Variants in LARGE1 observed in about 807,000 individuals in gnomAD.
LARGE1 encodes the protein LARGE xylosyl- and glucuronyltransferase 1, also known as xylosyl- and glucuronyltransferase LARGE1.
LARGE1 carries 43 observed loss-of-function variants against 87.6 expected under a neutral mutation model. That is an observed-to-expected ratio of 0.49 (90% CI 0.38 to 0.63). The LOEUF is 0.63. Ranked by LOEUF, LARGE1 falls within the 30% of genes least tolerant of loss-of-function variation. The pLI, the probability that LARGE1 is intolerant of heterozygous loss-of-function variation, is 0.00. For synonymous variants in LARGE1, 434 were observed against 394.6 expected, an observed-to-expected ratio of 1.10 and a Z score of -1.18; for missense variants, 802 against 1,000.2, an observed-to-expected ratio of 0.80 and a Z score of 2.67.
intron 1 of LARGE1, among the ~76,000 whole-genome samples, chr22:33,801,527 T>C (rs746635909): frequency 9.9e-5 from 15 of 152,230 alleles, no homozygotes; most frequent in Non-Finnish European, 5.9e-5. Flanking sequence ...CTAAGTCTTT[T>C]GCCCATTTTC....
At chr22:33,068,514 G>A in the LARGE1 span, among the ~76,000 whole-genome samples, 4 of 152,052 alleles carry the variant, frequency 2.6e-5, no homozygotes, top group Admixed American at 6.5e-5. Flanking sequence ...GTGTGGTGGC[G>A]GGCACCTGTA....
intron 2 of LARGE1, among the ~76,000 whole-genome samples, chr22:33,728,326 G>A (rs1056576889): frequency 2.4e-4 from 37 of 152,116 alleles, no homozygotes; most frequent in Non-Finnish European, 5.0e-4. Context: ...ATCACTTGAG[G>A]TCAGGAGTTC....
At chr22:33,442,434 A>G (rs535414445) in intron 6 of LARGE1, among the ~76,000 whole-genome samples, 4 of 152,242 alleles carry the variant, frequency 2.6e-5, no homozygotes, top group Admixed American at 6.5e-5. Context: ...TCGCAGGCTG[A>G]GCCCTGGGAA....
At chr22:33,417,927 T>C (rs1386600273) in intron 7 of LARGE1, among the ~76,000 whole-genome samples, 1 of 152,168 alleles carries the variant, frequency 6.6e-6, no homozygotes, top group Non-Finnish European at 1.5e-5. Flanking sequence ...CTCTATCTCT[T>C]CTACATCTAG....
intron 7 of LARGE1, among the ~76,000 whole-genome samples, chr22:33,399,604 A>G (rs1377758396): frequency 1.3e-5 from 2 of 152,084 alleles, no homozygotes; most frequent in African/African-American, 4.8e-5. Flanking sequence ...GCTGGAGTGC[A>G]ATGGTGCGAT....
Position 33,283,309 on chromosome 22 carries a change from T to G in LARGE1, c.1770A>C (p.Lys590Asn), listed in dbSNP as rs2145893887. 6.2e-7 allele frequency: 1 copy of G among 1,614,114 alleles called. No homozygotes were observed. Among genetic ancestry groups the G allele is most frequent in the East Asian group, 2.2e-5 (1 of 44,880 alleles). Residue 590 changes from lysine (K) to asparagine (N), a missense_variant, in exon 13 of 15, where the codon AAA (lysine) becomes AAC (asparagine). This residue lies in a region of LARGE1 where 625 missense variants were observed against 841.9 expected (regional missense o/e 0.74). Coordinates refer to ENST00000397394, the MANE Select transcript of LARGE1 (RefSeq NM_133642.5). ...TCTCGAACGCGGGGACAATCATTGC[T>G]TTCTTGGTGTTGGCAAGATCGAGCT... is the stretch of plus-strand genomic sequence containing the variant. ...VIQLDLANTK[K>N]AMIVPAFETL...
intron 2 of LARGE1, among the ~76,000 whole-genome samples, chr22:33,707,324 A>G (rs376036344): frequency 4.4e-4 from 67 of 152,384 alleles, no homozygotes; most frequent in African/African-American, 1.6e-3. Context: ...GGGAGTATCC[A>G]GGTGAATGGG....
intron 9 of LARGE1, among the ~76,000 whole-genome samples, chr22:33,352,477 G>A (rs1050093767): frequency 5.9e-5 from 9 of 152,174 alleles, no homozygotes; most frequent in African/African-American, 2.2e-4. Context: ...ATGCTGGCCA[G>A]GCATGGTGGC....
chr22:33,664,181 T>C (rs2081205956), intron 2 of LARGE1, among the ~76,000 whole-genome samples: 1 of 152,216 alleles, frequency 6.6e-6, no homozygotes, highest in Non-Finnish European at 1.5e-5. Context: ...ACCGTGGCCA[T>C]TCCTACACAG....
chr22:33,591,077 T>C (rs1222312340), intron 5 of LARGE1, among the ~76,000 whole-genome samples: 4 of 152,176 alleles, frequency 2.6e-5, no homozygotes, highest in Admixed American at 2.6e-4. Flanking sequence ...GGTGGGTGCC[T>C]GTAATTCCAG....
intron 11 of LARGE1, among the ~76,000 whole-genome samples, chr22:33,217,767 G>C (rs1925276694): frequency 6.6e-6 from 1 of 151,806 alleles, no homozygotes; most frequent in Non-Finnish European, 1.5e-5. Flanking sequence ...TAGGAATAAT[G>C]GTTTAAAAAA....
intron 2 of LARGE1, among the ~76,000 whole-genome samples, chr22:33,671,348 G>T (rs1391139760): frequency 6.6e-6 from 1 of 152,206 alleles, no homozygotes; most frequent in Non-Finnish European, 1.5e-5. Flanking sequence ...GATGTCTAGA[G>T]AATGGCCTGC....
chr22:33,644,142 C>CA (rs1387980024), intron 3 of LARGE1, among the ~76,000 whole-genome samples: 1 of 152,166 alleles, frequency 6.6e-6, no homozygotes, highest in Non-Finnish European at 1.5e-5. Flanking sequence ...CCCTGATGAA[C>CA]ATCAATGTGA....
chr22:33,349,791 C>G (rs1039529547), intron 9 of LARGE1, among the ~76,000 whole-genome samples: 6 of 152,212 alleles, frequency 3.9e-5, no homozygotes, highest in Non-Finnish European at 7.3e-5. Context: ...GTACTCATAA[C>G]TCTTTGGCTC....
In LARGE1 at chr22:33,515,132, AT is replaced by A. The variant is rs1160545245; in HGVS notation, c.787+49715del. ...GCAGGTGTAGCTAAAAAAAAAAAAA[AT>A]AAAAAATAAAAAACAACAAAAAAGA... On this transcript the variant is annotated intron_variant, in intron 6 of 14. Transcript: ENST00000397394. Among the ~76,000 whole-genome samples the A allele has an allele frequency of 9.9e-5, 15 of 151,992 alleles. No individual in the cohort carries two copies. The South Asian group carries it at 2.5e-3, about 25-fold the overall frequency.
At chr22:33,661,402 C>T (rs533773701) in intron 2 of LARGE1, among the ~76,000 whole-genome samples, 30 of 151,684 alleles carry the variant, frequency 2.0e-4, no homozygotes, top group Non-Finnish European at 3.5e-4. Flanking sequence ...TTAGTAGAGA[C>T]GGGGTTTCAC....
At chr22:33,566,849 T>C (rs1241031888) in intron 5 of LARGE1, among the ~76,000 whole-genome samples, 3 of 152,222 alleles carry the variant, frequency 2.0e-5, no homozygotes, top group Non-Finnish European at 2.9e-5. Context: ...GAGTGCTAAC[T>C]GATGCATTTA....
At chr22:33,555,562 A>T (rs1009653258) in intron 6 of LARGE1, among the ~76,000 whole-genome samples, 1 of 152,122 alleles carries the variant, frequency 6.6e-6, no homozygotes, top group Non-Finnish European at 1.5e-5. Context: ...AATGATCTGG[A>T]GGAGCAGCAT....
intron 11 of LARGE1, among the ~76,000 whole-genome samples, chr22:33,169,470 G>T (rs962582499): frequency 2.0e-5 from 3 of 152,078 alleles, no homozygotes; most frequent in Non-Finnish European, 2.9e-5. Flanking sequence ...TCTTGTTTTA[G>T]TCAGCTAAGT....
Sources: gnomAD v4.1 joint callset for allele counts (sites outside exome capture counted in the v4.1 genomes callset) on GRCh38, gnomAD v4.1.1 for gene constraint, gnomAD v4.1.1 regional missense constraint, MANE v1.5 for transcripts, NCBI Gene and HGNC (gene_info 2026-07-23, HGNC 2026-07-21) for gene names.